The following MAPKBP1 variants were observed in gnomAD, a reference collection of about 807,000 sequenced individuals.
MAPKBP1 encodes the protein mitogen-activated protein kinase-binding protein 1.
A neutral mutation model predicts 170.5 loss-of-function variants in MAPKBP1; 71 were observed. The ratio of observed to expected loss-of-function variants is 0.42; its 90% confidence interval spans 0.34 to 0.51. The LOEUF is 0.51. MAPKBP1 is among the 20% of genes least tolerant of loss of function. MAPKBP1 has a pLI of 0.06. For missense variants in MAPKBP1, 1,598 were observed against 1,933.0 expected (o/e 0.83, Z 3.25); for synonymous variants, 719 against 757.9 (o/e 0.95, Z 0.84).
intron 2 of MAPKBP1, among the ~76,000 whole-genome samples, chr15:41,785,636 A>G (rs1459130044): frequency 6.6e-6 from 1 of 152,208 alleles, no homozygotes; most frequent in Non-Finnish European, 1.5e-5. Flanking sequence ...CCAAGTGAAA[A>G]TGTGACGTGT....
chr15:41,775,426 C>A, intron 2 of MAPKBP1, 37 bp downstream of exon 2: 1 of 1,437,592 alleles, frequency 7.0e-7, no homozygotes, highest in South Asian at 1.1e-5. Context: ...TCCAAACCCA[C>A]CCTCTCCTGC....
chr15:41,815,427 C>T (rs1431269559), intron 11 of MAPKBP1, 22 bp downstream of exon 11: 2 of 1,611,888 alleles, frequency 1.2e-6, no homozygotes, highest in South Asian at 1.1e-5. Context: ...GGCTGTGGGG[C>T]CCCGCTTCAC....
intron 21 of MAPKBP1, 38 bp from the exon 22 acceptor site, chr15:41,819,557 G>GGGGGGGCC: frequency 2.9e-6 from 4 of 1,384,556 alleles, no homozygotes; most frequent in Non-Finnish European, 4.0e-6. Context: ...CGGGGGGGGG[G>GGGGGGGCC]CAGGAGACAC....
intron 5 of MAPKBP1, 60 bp from the exon 6 acceptor site, chr15:41,811,897 G>A: frequency 6.3e-7 from 1 of 1,581,908 alleles, no homozygotes; most frequent in Non-Finnish European, 8.7e-7. Context: ...GGAAGACGAA[G>A]TGGGGCTGTA....
chr15:41,789,450 G>A (rs933514138), intron 2 of MAPKBP1, among the ~76,000 whole-genome samples: 5 of 152,116 alleles, frequency 3.3e-5, no homozygotes, highest in African/African-American at 9.7e-5. Flanking sequence ...TCTGGACTTG[G>A]GCACGTGCTG....
At chr15:41,807,490 T>G (rs557240006) in intron 3 of MAPKBP1, among the ~76,000 whole-genome samples, 1 of 152,362 alleles carries the variant, frequency 6.6e-6, no homozygotes, top group African/African-American at 2.4e-5. Context: ...TCAATTCAAT[T>G]AGATCAACTC....
intron 2 of MAPKBP1, among the ~76,000 whole-genome samples, chr15:41,782,748 C>G (rs2064212415): frequency 6.6e-6 from 1 of 151,460 alleles, no homozygotes; most frequent in South Asian, 2.1e-4. Flanking sequence ...AGTCAAAGGG[C>G]ACATCATGCA....
chr15:41,799,041 T>C (rs925044128), intron 2 of MAPKBP1, among the ~76,000 whole-genome samples: 5 of 152,118 alleles, frequency 3.3e-5, no homozygotes, highest in Non-Finnish European at 5.9e-5. Flanking sequence ...ATGAATTAAT[T>C]TGAGGTTAGT....
Position 41,824,542 on chromosome 15 carries a change from G to A in MAPKBP1, c.4272G>A (p.Val1424=). The A allele has an allele frequency of 6.2e-7, 1 of 1,602,156 alleles. No homozygotes were observed. Among genetic ancestry groups the A allele is most frequent in the Non-Finnish European group, 8.5e-7 (1 of 1,175,494 alleles). Residue 1424 remains valine (V), a synonymous_variant, in exon 30 of 31, where the codon GTG becomes GTA. Transcript: ENST00000457542. The part of the protein sequence containing the change: ...EQLVAELRGS[V]RQAVRLYHSV... The stretch of plus-strand genomic sequence containing the variant: ...TGGTGGCAGAGCTCCGCGGCAGCGT[G>A]CGCCAGGCAGTGCGGCTCTACCACT...
intron 2 of MAPKBP1, 137 bp downstream of exon 2, chr15:41,775,526 C>T: frequency 1.5e-6 from 1 of 673,940 alleles, no homozygotes; most frequent in Middle Eastern, 2.5e-4. Flanking sequence ...TCTCTGCAGG[C>T]AATGATTTGG....
chr15:41,779,271 C>G (rs962538300), intron 2 of MAPKBP1, among the ~76,000 whole-genome samples: 3 of 152,142 alleles, frequency 2.0e-5, no homozygotes, highest in Non-Finnish European at 4.4e-5. Flanking sequence ...AGTACAGTGG[C>G]GTGATCTCGG....
In MAPKBP1 at chr15:41,775,228, A is replaced by G; in HGVS notation, c.-48A>G. 6.7e-7 allele frequency: 1 copy of G among 1,497,990 alleles called. No homozygotes were observed. Among genetic ancestry groups the G allele is most frequent in the Non-Finnish European group, 9.3e-7 (1 of 1,076,058 alleles). The allele number at this position is 1,497,990 out of a possible 1,614,324, so 92.8% of individuals were successfully genotyped here. ...GGGAAGACAGTGCCGCTGTTGAGAC[A>G]AGACCCAGGACTGGGCCGGGGACTG... On this transcript the variant is annotated 5_prime_UTR_variant, in exon 2 of 31. Coordinates refer to ENST00000457542, the MANE Select transcript of MAPKBP1 (RefSeq NM_014994.3).
chr15:41,827,093 C>A lies in MAPKBP1; in HGVS notation c.*1657C>A, dbSNP rs1452169022. 1 of 150,388 alleles carries A rather than the reference C, an allele frequency of 6.6e-6. No homozygotes were observed. 9.3% of individuals were successfully genotyped at this position (150,388 alleles called of 1,614,324 possible). ...GGTGGATCACCTGAGGTTAGGAGTTCGAGATCAGCCTGGCCAACATGGTGA... is the reference window on the plus strand; with the variant it reads ...GGTGGATCACCTGAGGTTAGGAGTTAGAGATCAGCCTGGCCAACATGGTGA... On this transcript the variant is annotated 3_prime_UTR_variant, in exon 31 of 31. Coordinates refer to ENST00000457542, the MANE Select transcript of MAPKBP1 (RefSeq NM_014994.3).
At chr15:41,795,863 C>T (rs975579533) in intron 2 of MAPKBP1, among the ~76,000 whole-genome samples, 1 of 152,192 alleles carries the variant, frequency 6.6e-6, no homozygotes, top group Non-Finnish European at 1.5e-5. Flanking sequence ...CCCGTCTCGG[C>T]CTCCCAAAGT....
rs183496245 is a variant in MAPKBP1, at chr15:41,782,724, C to T, written c.114+7335C>T. On this transcript the variant is annotated intron_variant, in intron 2 of 30. Transcript: ENST00000457542. ...GCATGGCACTGACTGCAGAAGTGTG[C>T]CTAGTATTGCCATAGTCAAAGGGCA... Among the ~76,000 whole-genome samples, 116 of 151,930 alleles carry T rather than the reference C, an allele frequency of 7.6e-4. 1 individual carries two copies. Among genetic ancestry groups the T allele is most frequent in the African/African-American group, 2.8e-3 (114 of 41,400 alleles).
At chr15:41,781,531 A>G (rs2064188640) in intron 2 of MAPKBP1, among the ~76,000 whole-genome samples, 1 of 151,356 alleles carries the variant, frequency 6.6e-6, no homozygotes, top group Non-Finnish European at 1.5e-5. Flanking sequence ...TAGCCCCAGC[A>G]TCTTAGGAGG....
chr15:41,801,846 T>A (rs973320888), intron 3 of MAPKBP1, among the ~76,000 whole-genome samples: 3 of 152,014 alleles, frequency 2.0e-5, no homozygotes, highest in Non-Finnish European at 2.9e-5. Flanking sequence ...AGAGACTCTG[T>A]CTTAAAAAAA....
intron 10 of MAPKBP1, 117 bp from the exon 11 acceptor site, chr15:41,815,142 C>T (rs906502462): frequency 1.4e-5 from 17 of 1,228,112 alleles, no homozygotes; most frequent in Non-Finnish European, 1.9e-5. Context: ...CTGTGACAGG[C>T]ACTGGGCTAA....
At position 41,818,506 on chromosome 15, in the gene MAPKBP1, T is replaced by C; in HGVS notation, c.2093-13T>C. The C allele has an allele frequency of 6.2e-7, 1 of 1,610,676 alleles. No individual in the cohort carries two copies. ...TAAGGTGGCTTATAGACCGTATTCT[T>C]TGTTCTTCACAGAGATTGTCACTGG... is the stretch of plus-strand genomic sequence containing the variant. On this transcript the variant is annotated splice_polypyrimidine_tract_variant and intron_variant, in intron 18 of 30. Transcript: ENST00000457542. This position sits in a 1 kb window ranked among gnomAD's most constrained non-coding sequence, Gnocchi z 5.2.
Sources: gnomAD v4.1 joint callset for allele counts (sites outside exome capture counted in the v4.1 genomes callset) on GRCh38, gnomAD v4.1.1 for gene constraint, Gnocchi (gnomAD v3.1) non-coding constraint, MANE v1.5 for transcripts, NCBI Gene and HGNC (gene_info 2026-07-23, HGNC 2026-07-21) for gene names.